Variants in KCTD9 observed in about 807,000 individuals in gnomAD.
KCTD9 encodes potassium channel tetramerization domain containing 9.
A neutral mutation model predicts 53.3 loss-of-function variants in KCTD9; 17 were observed. The ratio of observed to expected loss-of-function variants is 0.32; its 90% CI spans 0.22 to 0.48. The LOEUF (loss-of-function observed/expected upper bound fraction) is 0.48. KCTD9 is among the 20% of genes least tolerant of loss of function. The pLI, the probability that KCTD9 is intolerant of heterozygous loss-of-function variation, is 0.99. For missense variants in KCTD9, 179 were observed against 465.5 expected (o/e 0.38, Z 5.66); for synonymous variants, 128 against 162.7 (o/e 0.79, Z 1.62).
At chr8:25,437,552 C>T (rs896687772) in intron 6 of KCTD9, among the ~76,000 whole-genome samples, 1 of 151,986 alleles carries the variant, frequency 6.6e-6, no homozygotes, top group African/African-American at 2.4e-5. Context: ...GTGGCAGGTG[C>T]CTGTAGTCCC....
intron 1 of KCTD9, 23 bp from the exon 2 acceptor site, chr8:25,446,273 T>C (rs1247999421): frequency 1.2e-6 from 2 of 1,611,454 alleles, no homozygotes; most frequent in Non-Finnish European, 1.7e-6. Flanking sequence ...CAGAATAATA[T>C]GAACAATTTC....
At chr8:25,452,863 T>C (rs4872312) in intron 1 of KCTD9, among the ~76,000 whole-genome samples, 146,648 of 152,304 alleles carry the variant, frequency 0.96, 70,810 homozygotes, top group East Asian at 1. Context: ...GAGAATTATA[T>C]TGAACGAAAA....
At chr8:25,437,480 G>T (rs1321491127) in intron 6 of KCTD9, among the ~76,000 whole-genome samples, 33 of 152,024 alleles carry the variant, frequency 2.2e-4, no homozygotes, top group Admixed American at 7.9e-4. Flanking sequence ...TTCGAGACCA[G>T]CCTGGCCAAC....
intron 3 of KCTD9, among the ~76,000 whole-genome samples, chr8:25,441,784 G>C (rs1802127734): frequency 6.6e-6 from 1 of 152,068 alleles, no homozygotes; most frequent in African/African-American, 2.4e-5. Flanking sequence ...TTGAGCTCAG[G>C]AGTTCGAGAC....
intron 1 of KCTD9, among the ~76,000 whole-genome samples, chr8:25,456,535 C>T (rs1472088839): frequency 1.3e-5 from 2 of 152,034 alleles, no homozygotes; most frequent in African/African-American, 4.8e-5. Flanking sequence ...TTCTTTTTAT[C>T]TAGTACTCTC....
At chr8:25,448,353 A>G (rs1414238651) in intron 1 of KCTD9, among the ~76,000 whole-genome samples, 1 of 152,162 alleles carries the variant, frequency 6.6e-6, no homozygotes, top group Admixed American at 6.5e-5. Flanking sequence ...ATAGAGAAAG[A>G]AAGCAGAATA....
chr8:25,435,581 G>C (rs1802001986), intron 8 of KCTD9, 69 bp from the exon 9 acceptor site: 1 of 1,415,902 alleles, frequency 7.1e-7, no homozygotes, highest in South Asian at 1.5e-5. Flanking sequence ...AATTACTATA[G>C]CTAACCACCA....
chr8:25,437,404 C>T (rs972537294), intron 6 of KCTD9, among the ~76,000 whole-genome samples: 1 of 151,944 alleles, frequency 6.6e-6, no homozygotes, highest in East Asian at 1.9e-4. Flanking sequence ...AAAGACAGGC[C>T]GGGCTCACAC....
chr8:25,444,263 A>G, intron 3 of KCTD9, 29 bp downstream of exon 3: 2 of 1,089,274 alleles, frequency 1.8e-6, no homozygotes, highest in East Asian at 2.9e-5. Flanking sequence ...TTTTTTTGGC[A>G]GATAAAATTG....
intron 1 of KCTD9, 108 bp from the exon 2 acceptor site, chr8:25,446,358 G>A: frequency 7.6e-7 from 1 of 1,313,522 alleles, no homozygotes; most frequent in East Asian, 2.4e-5. Context: ...CATATAAAAG[G>A]AGACTTCAAA....
At chr8:25,434,568 GA>G (rs1289314913) in intron 9 of KCTD9, among the ~76,000 whole-genome samples, 1 of 151,964 alleles carries the variant, frequency 6.6e-6, no homozygotes, top group Non-Finnish European at 1.5e-5. Context: ...GACCCTTCAT[GA>G]TAAGACAGAA....
intron 6 of KCTD9, among the ~76,000 whole-genome samples, chr8:25,437,021 G>C (rs1802029713): frequency 6.6e-6 from 1 of 152,090 alleles, no homozygotes; most frequent in Non-Finnish European, 1.5e-5. Context: ...AGCTAATAAG[G>C]GTAAGTAGAT....
At chr8:25,441,230 T>C (rs1802116492) in intron 3 of KCTD9, among the ~76,000 whole-genome samples, 1 of 149,190 alleles carries the variant, frequency 6.7e-6, no homozygotes, top group African/African-American at 2.5e-5. Flanking sequence ...GACCAGAATA[T>C]ATCAGAAAAT....
In KCTD9 at chr8:25,435,440, T is replaced by C. The variant is rs142563986; in HGVS notation, c.736A>G (p.Ser246Gly). ...TTTGCATGTGCAAGATTACAGCGGC[T>C]TAAATTGGCCATTTTGAAGTTAATG... ...RYINFKMANL[S>G]RCNLAHANLC... is the part of the protein sequence containing the mutation. Residue 246 changes from serine (S) to glycine (G), a missense_variant, in exon 9 of 12, where the codon AGC (serine) becomes GGC (glycine). This residue lies in a region of KCTD9 where 32 missense variants were observed against 55.7 expected (regional missense o/e 0.57). Transcript: ENST00000221200. 6.2e-7 allele frequency: 1 copy of C among 1,612,856 alleles called. No homozygotes were observed.
intron 1 of KCTD9, among the ~76,000 whole-genome samples, chr8:25,454,549 G>A (rs1350616139): frequency 6.6e-6 from 1 of 151,918 alleles, no homozygotes; most frequent in Non-Finnish European, 1.5e-5. Context: ...ACTCTTACAG[G>A]GAATATTAAA....
At chr8:25,435,560 G>C (rs764723663) in intron 8 of KCTD9, 48 bp from the exon 9 acceptor site, 1 of 1,524,186 alleles carries the variant, frequency 6.6e-7, no homozygotes. Flanking sequence ...TCGTCTGTTT[G>C]TATTAAATTT....
rs148376955 is a variant in KCTD9, at chr8:25,431,021, G to A, written c.1054-1048C>T. Among the ~76,000 whole-genome samples, 434 of 152,014 alleles carry A rather than the reference G, an allele frequency of 2.9e-3. 2 individuals are homozygous for A. The highest frequency in any genetic ancestry group is 4.9e-3 in the Non-Finnish European group (330 of 67,976). On this transcript the variant is annotated intron_variant, in intron 11 of 11. Transcript: ENST00000221200. ...ATTTTTTCTATTTTTAGTAGAGACGGGGTTTCACCATGTTGGCCAGGCTGG... is the reference window on the plus strand; with the variant it reads ...ATTTTTTCTATTTTTAGTAGAGACGAGGTTTCACCATGTTGGCCAGGCTGG...
At chr8:25,443,420 G>A (rs879848589) in intron 3 of KCTD9, among the ~76,000 whole-genome samples, 1 of 152,112 alleles carries the variant, frequency 6.6e-6, no homozygotes, top group South Asian at 2.1e-4. Context: ...ATCAATAAAT[G>A]CAGAGGATGA....
At chr8:25,438,625 A>T (rs1459917944) in intron 6 of KCTD9, among the ~76,000 whole-genome samples, 1 of 152,268 alleles carries the variant, frequency 6.6e-6, no homozygotes, top group Non-Finnish European at 1.5e-5. Context: ...AAGTACTAAC[A>T]TCACATCAAC....
Sources: allele counts gnomAD v4.1 joint callset (sites outside exome capture counted in the v4.1 genomes callset), GRCh38; gene constraint gnomAD v4.1.1; regional missense constraint gnomAD v4.1.1; transcripts MANE v1.5; gene names NCBI Gene and HGNC (gene_info 2026-07-23, HGNC 2026-07-21).